The following ASCC3 variants were observed in gnomAD, a reference collection of about 807,000 sequenced individuals.
ASCC3 encodes the protein ASC-1 complex subunit P200.
ASCC3 carries 158 observed loss-of-function variants against 256.3 expected under a neutral mutation model. The ratio of observed to expected loss-of-function variants is 0.62; its 90% CI spans 0.54 to 0.70. ASCC3 has a LOEUF of 0.70. Ranked by LOEUF, ASCC3 falls within the 30% of genes least tolerant of loss-of-function variation. ASCC3 has a pLI of 0.00. For synonymous variants in ASCC3, 948 were observed against 883.4 expected (o/e 1.07, Z -1.30); for missense variants, 2,259 against 2,626.0 (o/e 0.86, Z 3.05).
chr6:100,619,919 G>A (rs1009168252), intron 30 of ASCC3, among the ~76,000 whole-genome samples: 1 of 152,080 alleles, frequency 6.6e-6, no homozygotes, highest in Non-Finnish European at 1.5e-5. Flanking sequence ...TGGAGTTGAC[G>A]AAATTTTTAC....
chr6:100,776,458 G>A (rs987568656), intron 8 of ASCC3, among the ~76,000 whole-genome samples: 8 of 151,820 alleles, frequency 5.3e-5, no homozygotes, highest in Non-Finnish European at 1.2e-4. Flanking sequence ...TACATATTTG[G>A]GACTCACCAG....
chr6:100,767,355 A>T lies in ASCC3; in HGVS notation c.1396-10T>A. ...AAGCCAGCTGTCCGATCTAAAAAAAAAAGGCATCACCCATTATAAATAGTA... is the reference window on the plus strand; with the variant it reads ...AAGCCAGCTGTCCGATCTAAAAAAATAAGGCATCACCCATTATAAATAGTA... On this transcript the variant is annotated splice_polypyrimidine_tract_variant and intron_variant, in intron 8 of 41. Transcript: ENST00000369162. 1 of 1,608,918 alleles carries T rather than the reference A, an allele frequency of 6.2e-7. No individual in the cohort carries two copies. The highest frequency in any genetic ancestry group is 8.5e-7 in the Non-Finnish European group (1 of 1,176,004).
intron 36 of ASCC3, among the ~76,000 whole-genome samples, chr6:100,565,477 T>C (rs753851856): frequency 2.6e-5 from 4 of 152,062 alleles, no homozygotes; most frequent in Non-Finnish European, 5.9e-5. Flanking sequence ...AATAAATAAA[T>C]AAATAAATAG....
chr6:100,760,765 A>G (rs1781385945), intron 10 of ASCC3, among the ~76,000 whole-genome samples: 1 of 152,228 alleles, frequency 6.6e-6, no homozygotes, highest in Admixed American at 6.5e-5. Flanking sequence ...ATAGACCAAA[A>G]AAATCATCCA....
rs564697053 is a variant in ASCC3, at chr6:100,669,397, A to G, written c.2287-6861T>C. The stretch of plus-strand genomic sequence containing the variant: ...TCACTTTTATAACAGCAAAAACAGA[A>G]ATAATAAGAGATAGCCAGGATCCAT... On this transcript the variant is annotated intron_variant, in intron 14 of 41. Transcript: ENST00000369162. Among the ~76,000 whole-genome samples the G allele has an allele frequency of 1.3e-5, 2 of 151,250 alleles. 1 individual carries two copies. Among genetic ancestry groups the G allele is most frequent in the South Asian group, 4.2e-4 (2 of 4,794 alleles).
chr6:100,652,138 A>T (rs1024174879), intron 18 of ASCC3, among the ~76,000 whole-genome samples: 1 of 152,126 alleles, frequency 6.6e-6, no homozygotes, highest in African/African-American at 2.4e-5. Context: ...GGCCACATAG[A>T]TTGAAGACAA....
At chr6:100,742,584 C>T (rs575412836) in intron 10 of ASCC3, among the ~76,000 whole-genome samples, 1 of 152,242 alleles carries the variant, frequency 6.6e-6, no homozygotes, top group South Asian at 2.1e-4. Context: ...GAAGCCCCCA[C>T]AGGGAGGTAC....
chr6:100,864,325 A>C (rs1014058098), intron 2 of ASCC3, 111 bp from the exon 3 acceptor site: 2 of 971,544 alleles, frequency 2.1e-6, no homozygotes, highest in Non-Finnish European at 3.1e-6. Flanking sequence ...ACCCACAAGA[A>C]TTCAAAGTTG....
chr6:100,574,954 C>T (rs1562129834), intron 36 of ASCC3, among the ~76,000 whole-genome samples: 2 of 152,000 alleles, frequency 1.3e-5, no homozygotes, highest in Non-Finnish European at 1.5e-5. Context: ...TAGAAAGATA[C>T]CTTTTTTCAA....
chr6:100,577,329 T>G (rs1248678970), intron 36 of ASCC3, among the ~76,000 whole-genome samples: 1 of 152,048 alleles, frequency 6.6e-6, no homozygotes, highest in Non-Finnish European at 1.5e-5. Flanking sequence ...AAAAAGTTAC[T>G]GTTTTCAAGA....
At position 100,605,612 on chromosome 6, in the gene ASCC3, GTCTT is replaced by G; in HGVS notation, c.5129_5132del (p.Lys1710ThrfsTer13). 6.3e-7 allele frequency: 1 copy of G among 1,580,660 alleles called. No individual in the cohort carries two copies. On this transcript the variant is annotated frameshift_variant, in exon 33 of 42. Transcript: ENST00000369162. LOFTEE classifies it high-confidence loss of function. The stretch of plus-strand genomic sequence containing the variant: ...GTTCATAAAGAAATTTTTTATAAAA[GTCTT>G]TCTTTATGTCATGAACTAGAATTAC...
chr6:100,630,116 CT>C (rs1274902991), intron 26 of ASCC3, among the ~76,000 whole-genome samples: 2 of 151,920 alleles, frequency 1.3e-5, no homozygotes, highest in Non-Finnish European at 2.9e-5. Flanking sequence ...TCTCCAACTC[CT>C]TTTCTCAGGT....
In ASCC3 at chr6:100,771,878, T is replaced by G. The variant is rs1316149581; in HGVS notation, c.1396-4533A>C. ...AAACAATCTGCAAGTTTTTTTTTTTTTTTTTTTTTTTTTTTTTGAGATGGA... is the reference window on the plus strand; with the variant it reads ...AAACAATCTGCAAGTTTTTTTTTTTGTTTTTTTTTTTTTTTTTGAGATGGA... On this transcript the variant is annotated intron_variant, in intron 8 of 41. Transcript: ENST00000369162. Among the ~76,000 whole-genome samples the G allele has an allele frequency of 4.0e-4, 55 of 137,850 alleles. 1 individual carries two copies. The highest frequency in any genetic ancestry group is 1.4e-3 in the Admixed American group (20 of 13,920). The allele number at this position is 137,850 out of a possible 152,430, so 90.4% of individuals were successfully genotyped here.
rs149130996 is a variant in ASCC3 at position 100,607,128 on chromosome 6, C to T, written c.4786-40G>A. 1.0e-3 allele frequency: 1,592 copies of T among 1,596,058 alleles called. 17 individuals are homozygous for T. In the African/African-American group the frequency reaches 0.019, roughly 19 times the overall value. Reference sequence around the variant, plus strand: ...AAAATTACAAGATGTAGATGCATAACTTTAAAATTTTCATTAATTTTTCAT... The same window carrying T: ...AAAATTACAAGATGTAGATGCATAATTTTAAAATTTTCATTAATTTTTCAT... On this transcript the variant is annotated intron_variant, in intron 30 of 41. Coordinates refer to ENST00000369162, the MANE Select transcript of ASCC3 (RefSeq NM_006828.4).
At chr6:100,829,813 TCAA>T (rs1457592162) in intron 4 of ASCC3, among the ~76,000 whole-genome samples, 6 of 152,030 alleles carry the variant, frequency 3.9e-5, no homozygotes, top group Admixed American at 6.6e-5. Flanking sequence ...CAGTAAGAGA[TCAA>T]CAACAATAAT....
intron 8 of ASCC3, among the ~76,000 whole-genome samples, chr6:100,774,379 T>G (rs1407602302): frequency 6.6e-6 from 1 of 152,102 alleles, no homozygotes; most frequent in Non-Finnish European, 1.5e-5. Flanking sequence ...AACTTTTTTT[T>G]TTCGGAGATG....
chr6:100,570,992 A>G (rs1770557220), intron 36 of ASCC3, among the ~76,000 whole-genome samples: 1 of 152,180 alleles, frequency 6.6e-6, no homozygotes, highest in South Asian at 2.1e-4. Flanking sequence ...AGTTCTCTAT[A>G]AAAAAGCTAG....
chr6:100,546,791 T>C (rs1359944314), intron 36 of ASCC3, among the ~76,000 whole-genome samples: 4 of 152,114 alleles, frequency 2.6e-5, no homozygotes, highest in African/African-American at 9.7e-5. Context: ...ATATTAAAAA[T>C]TCACACACAA....
rs369962135 is a variant in ASCC3 at position 100,844,955 on chromosome 6, A to C, written c.801+3193T>G. On this transcript the variant is annotated intron_variant, in intron 4 of 41. Transcript: ENST00000369162. ...ATAAATTCCCTGAGGAATTATTAAA[A>C]TTTATCTTTAACAGGATCTAAAAGT... Among the ~76,000 whole-genome samples the C allele has an allele frequency of 3.9e-5, 6 of 152,194 alleles. No individual in the cohort carries two copies. The East Asian group carries it at 1.2e-3, about 29-fold the overall frequency.
Sources: allele counts gnomAD v4.1 joint callset (sites outside exome capture counted in the v4.1 genomes callset), GRCh38; gene constraint gnomAD v4.1.1; transcripts MANE v1.5; gene names NCBI Gene and HGNC (gene_info 2026-07-23, HGNC 2026-07-21).